Variants in AKAP12 observed in about 807,000 individuals in gnomAD.
AKAP12 encodes A-kinase anchoring protein 12.
AKAP12 carries 32 observed loss-of-function variants against 79.9 expected under a neutral mutation model. The observed-to-expected ratio is 0.40, with a 90% confidence interval of 0.30 to 0.54. AKAP12 has a LOEUF of 0.54. Among genes scored for constraint, AKAP12 ranks in the 20% least tolerant of loss-of-function variants. AKAP12 has a pLI of 0.48. For synonymous variants in AKAP12, 808 were observed against 857.0 expected, an observed-to-expected ratio of 0.94 and a Z score of 1.00; for missense variants, 2,074 against 2,177.0, an observed-to-expected ratio of 0.95 and a Z score of 0.94.
intron 2 of AKAP12, among the ~76,000 whole-genome samples, chr6:151,303,448 T>C (rs559599227): frequency 2.0e-5 from 3 of 152,342 alleles, no homozygotes; most frequent in African/African-American, 7.2e-5. Flanking sequence ...TACAGTGGTA[T>C]TATTTCAGGA....
Position 151,240,960 on chromosome 6 carries a change from G to A in AKAP12, c.162+236G>A, listed in dbSNP as rs943671281. Among the ~76,000 whole-genome samples the A allele has an allele frequency of 5.9e-5, 9 of 152,320 alleles. No individual in the cohort carries two copies. The South Asian group carries it at 1.7e-3, about 28-fold the overall frequency. On this transcript the variant is annotated intron_variant, in intron 2 of 4. Coordinates refer to ENST00000402676, the MANE Select transcript of AKAP12 (RefSeq NM_005100.4). Reference sequence around the variant, plus strand: ...TTGCATCTTTGTCGCGGGTCTCCAGGGGAGGCGACTGCGCCATGCGCAATA... The same window carrying A: ...TTGCATCTTTGTCGCGGGTCTCCAGAGGAGGCGACTGCGCCATGCGCAATA...
In AKAP12 at chr6:151,356,086, G is replaced by C. The variant is rs1778432959; in HGVS notation, c.*372G>C. On this transcript the variant is annotated 3_prime_UTR_variant, in exon 5 of 5. Coordinates refer to ENST00000402676, the MANE Select transcript of AKAP12 (RefSeq NM_005100.4). ...TATGTATGTTTTAAGTAGTCCTCCT[G>C]TATCTATTGTATATTTTTTTCTTAA... 1.3e-5 allele frequency: 2 copies of C among 152,576 alleles called. No homozygotes were observed. Among genetic ancestry groups the C allele is most frequent in the East Asian group, 1.9e-4 (1 of 5,200 alleles). 9.5% of individuals were successfully genotyped at this position (152,576 alleles called of 1,614,324 possible). A position where few individuals can be genotyped will look rare whatever the true frequency, so the allele number is the denominator to read the frequency against.
intron 3 of AKAP12, among the ~76,000 whole-genome samples, chr6:151,347,408 A>G (rs1237352681): frequency 6.6e-6 from 1 of 152,204 alleles, no homozygotes; most frequent in East Asian, 1.9e-4. Flanking sequence ...TTAAGTGGGA[A>G]GTTACATCTA....
At chr6:151,273,768 G>A (rs1270537513) in intron 2 of AKAP12, among the ~76,000 whole-genome samples, 3 of 152,134 alleles carry the variant, frequency 2.0e-5, no homozygotes, top group Non-Finnish European at 4.4e-5. Context: ...AGTGGCTCAC[G>A]CCTGTAATCC....
chr6:151,283,755 A>G (rs769063831), intron 2 of AKAP12, among the ~76,000 whole-genome samples: 1 of 152,214 alleles, frequency 6.6e-6, no homozygotes, highest in Non-Finnish European at 1.5e-5. Flanking sequence ...GTTAAAAGCA[A>G]TGTCAGGTGT....
At chr6:151,268,979 T>TTTTTTC (rs1776119261) in intron 2 of AKAP12, among the ~76,000 whole-genome samples, 1 of 123,714 alleles carries the variant, frequency 8.1e-6, no homozygotes, top group Non-Finnish European at 1.6e-5. Context: ...TTTTTTTTTT[T>TTTTTTC]AATCAACATC....
chr6:151,274,587 T>C (rs539445441), intron 2 of AKAP12, among the ~76,000 whole-genome samples: 5 of 152,178 alleles, frequency 3.3e-5, no homozygotes, highest in Non-Finnish European at 7.3e-5. Context: ...TCTTTAAGCA[T>C]TGTAAGTATG....
At chr6:151,259,563 A>G (rs1221328944) in intron 2 of AKAP12, among the ~76,000 whole-genome samples, 1 of 133,470 alleles carries the variant, frequency 7.5e-6, no homozygotes, top group Non-Finnish European at 1.6e-5. Context: ...ATGCCCACTT[A>G]TTGGCCCTTT....
chr6:151,346,708 T>C (rs1457047180), intron 3 of AKAP12, among the ~76,000 whole-genome samples: 4 of 152,186 alleles, frequency 2.6e-5, no homozygotes, highest in African/African-American at 7.2e-5. Context: ...TTAAGTAATG[T>C]GTATGTTGGT....
At chr6:151,252,732 GAAAAA>G (rs1185564468) in intron 2 of AKAP12, among the ~76,000 whole-genome samples, 5 of 95,822 alleles carry the variant, frequency 5.2e-5, no homozygotes, top group Admixed American at 3.4e-4. Flanking sequence ...CTGTCTCTGG[GAAAAA>G]AAAAAAAAAA....
chr6:151,347,306 G>A (rs1336408991), intron 3 of AKAP12, among the ~76,000 whole-genome samples: 4 of 152,182 alleles, frequency 2.6e-5, no homozygotes, highest in Non-Finnish European at 4.4e-5. Flanking sequence ...TGTTGAGGTC[G>A]GACTTAGTTA....
intron 2 of AKAP12, among the ~76,000 whole-genome samples, chr6:151,274,272 T>C (rs1776250005): frequency 6.6e-6 from 1 of 152,020 alleles, no homozygotes; most frequent in Admixed American, 6.6e-5. Flanking sequence ...TAGAGATGGG[T>C]TCTACCATTT....
At chr6:151,324,331 G>T in intron 3 of AKAP12, 1 of 985,410 alleles carries the variant, frequency 1.0e-6, no homozygotes, top group Non-Finnish European at 1.2e-6. Flanking sequence ...AGAGGCTGAA[G>T]CTGATTTTTG....
At chr6:151,277,113 G>T (rs534407962) in intron 2 of AKAP12, among the ~76,000 whole-genome samples, 1 of 152,282 alleles carries the variant, frequency 6.6e-6, no homozygotes, top group East Asian at 1.9e-4. Context: ...CCTTTCCTAG[G>T]TGTCATTACT....
intron 2 of AKAP12, among the ~76,000 whole-genome samples, chr6:151,264,129 G>A (rs1346769043): frequency 6.6e-6 from 1 of 152,036 alleles, no homozygotes; most frequent in East Asian, 1.9e-4. Flanking sequence ...TAAAAGAAAG[G>A]AAGAGAATGG....
chr6:151,270,765 C>T (rs1363183587), intron 2 of AKAP12, among the ~76,000 whole-genome samples: 1 of 151,564 alleles, frequency 6.6e-6, no homozygotes, highest in East Asian at 1.9e-4. Context: ...ATGTGCATTT[C>T]CCTGATAGCT....
intron 3 of AKAP12, among the ~76,000 whole-genome samples, chr6:151,315,647 T>C (rs1777217274): frequency 6.6e-6 from 1 of 152,216 alleles, no homozygotes; most frequent in South Asian, 2.1e-4. Flanking sequence ...AACTTTTACA[T>C]GATTAAGGCA....
chr6:151,291,035 C>T (rs887780924), intron 2 of AKAP12, among the ~76,000 whole-genome samples: 7 of 152,174 alleles, frequency 4.6e-5, no homozygotes, highest in African/African-American at 7.2e-5. Flanking sequence ...TGCACATAAA[C>T]GGAGCTGCTT....
chr6:151,317,402 T>G (rs1218144007), intron 3 of AKAP12, among the ~76,000 whole-genome samples: 1 of 152,238 alleles, frequency 6.6e-6, no homozygotes, highest in East Asian at 1.9e-4. Flanking sequence ...ATGTCTTTCC[T>G]TTAATCTTTT....
Sources: gnomAD v4.1 joint callset for allele counts (sites outside exome capture counted in the v4.1 genomes callset) on GRCh38, gnomAD v4.1.1 for gene constraint, MANE v1.5 for transcripts, NCBI Gene and HGNC (gene_info 2026-07-23, HGNC 2026-07-21) for gene names.